MELK: variants seen among roughly 807,000 people sequenced by gnomAD.
The protein encoded by MELK is pEg3 kinase.
In MELK, 81 loss-of-function variants were observed where a neutral mutation model predicts 85.0. The observed-to-expected ratio is 0.95, with a 90% CI of 0.80 to 1.15. The LOEUF is 1.15. Among genes scored for constraint, MELK ranks in the 50% most tolerant of loss-of-function variants. The probability of loss-of-function intolerance (pLI) is 0.00; values close to 1 mark genes in which losing one functional copy is unlikely to be tolerated. For synonymous variants in MELK, 252 were observed against 265.0 expected (o/e 0.95, Z 0.48); for missense variants, 754 against 777.5 (o/e 0.97, Z 0.36).
rs7036273 is a variant in MELK at position 36,599,306 on chromosome 9, A to G, written c.475-88A>G. The G allele has an allele frequency of 8.3e-3, 5,122 of 617,172 alleles. 99 individuals carry two copies. In the African/African-American group the frequency reaches 0.14, roughly 17 times the overall value. 38.2% of individuals were successfully genotyped at this position (617,172 alleles called of 1,614,324 possible). A position where few individuals can be genotyped will look rare whatever the true frequency, so the allele number is the denominator to read the frequency against. ...ACAGAGTGAGACTCCGTCTCAAAAA[A>G]AAAAAAAAAAAAAAAAAAGAATGTT... is the stretch of plus-strand genomic sequence containing the variant. On this transcript the variant is annotated intron_variant, in intron 6 of 17. Coordinates refer to ENST00000298048, the MANE Select transcript of MELK (RefSeq NM_014791.4).
chr9:36,584,674 AT>A (rs767365364), intron 3 of MELK, among the ~76,000 whole-genome samples: 1 of 146,968 alleles, frequency 6.8e-6, no homozygotes, highest in Non-Finnish European at 1.5e-5. Context: ...AATATAAATC[AT>A]TTTGGTACTA....
At chr9:36,670,960 C>T in intron 15 of MELK, 38 bp from the exon 16 acceptor site, 1 of 1,571,236 alleles carries the variant, frequency 6.4e-7, no homozygotes, top group Non-Finnish European at 8.6e-7. Flanking sequence ...GGCCGGAGGC[C>T]CAGCTCTACT....
At chr9:36,674,049 T>G (rs1281474093) in intron 16 of MELK, among the ~76,000 whole-genome samples, 1 of 152,192 alleles carries the variant, frequency 6.6e-6, no homozygotes, top group African/African-American at 2.4e-5. Context: ...AGTTGGATAC[T>G]TTTCTTCCTA....
chr9:36,587,215 T>C (rs140106344), intron 3 of MELK, among the ~76,000 whole-genome samples: 64 of 152,138 alleles, frequency 4.2e-4, no homozygotes, highest in East Asian at 1.7e-3. Context: ...CATACCAAGA[T>C]AGTGAAAGTT....
intron 13 of MELK, among the ~76,000 whole-genome samples, chr9:36,658,708 G>GT (rs1259612626): frequency 1.9e-5 from 2 of 103,080 alleles, no homozygotes; most frequent in African/African-American, 7.6e-5. Flanking sequence ...TTGTTTGTTT[G>GT]TTTTTTGTTT....
In MELK at chr9:36,635,045, G is replaced by T. The variant is rs554072898; in HGVS notation, c.834+1845G>T. Reference sequence around the variant, plus strand: ...GCTATCAAACTTTGGTATTGTAGAAGTACATTATGCTACTTCCTATTTAGT... The same window carrying T: ...GCTATCAAACTTTGGTATTGTAGAATTACATTATGCTACTTCCTATTTAGT... On this transcript the variant is annotated intron_variant, in intron 10 of 17. Transcript: ENST00000298048. 4.6e-5 allele frequency among the ~76,000 whole-genome samples: 7 copies of T among 152,190 alleles called. No individual in the cohort carries two copies. In the South Asian group the frequency reaches 1.0e-3, roughly 23 times the overall value.
intron 7 of MELK, 118 bp from the exon 8 acceptor site, chr9:36,607,457 A>G (rs961570744): frequency 1.1e-5 from 8 of 753,908 alleles, no homozygotes; most frequent in African/African-American, 1.7e-5. Context: ...GAAATGGTTG[A>G]TATCTGAGTT....
chr9:36,612,814 T>A (rs942206957), intron 8 of MELK, among the ~76,000 whole-genome samples: 6 of 152,244 alleles, frequency 3.9e-5, no homozygotes, highest in African/African-American at 1.4e-4. Flanking sequence ...GTATTCTTTC[T>A]TTTACTTTTC....
At chr9:36,592,255 A>C (rs1196046386) in intron 4 of MELK, among the ~76,000 whole-genome samples, 1 of 148,500 alleles carries the variant, frequency 6.7e-6, no homozygotes, top group Non-Finnish European at 1.5e-5. Flanking sequence ...GCTCACTACA[A>C]CCTCCGCCTC....
Position 36,594,785 on chromosome 9 carries a change from T to G in MELK, c.405+14T>G, listed in dbSNP as rs1291749481. 2.2e-5 allele frequency: 35 copies of G among 1,610,040 alleles called. No individual in the cohort carries two copies. Among genetic ancestry groups the G allele is most frequent in the Admixed American group, 5.1e-5 (3 of 59,308 alleles). ...GACCTCAAGCCAGTAAGTGACTGCA[T>G]CACAGTTAGATGCTCACCTTCAGCG... On this transcript the variant is annotated intron_variant, in intron 5 of 17. Transcript: ENST00000298048.
At position 36,651,846 on chromosome 9, in the gene MELK, A is replaced by G. The variant is rs774729093; in HGVS notation, c.1022A>G (p.Gln341Arg). The change falls in exon 12 of 18, where the codon CAA becomes CGA. Residue 341 changes from glutamine to arginine, a missense_variant. Coordinates refer to ENST00000298048, the MANE Select transcript of MELK (RefSeq NM_014791.4). ...RLRLSSFSCG[Q>R]ASATPFTDIK... ...AGGCTTTCTTCTTTCTCCTGTGGAC[A>G]AGCCAGTGCTACCCCATTCACAGAC... is the stretch of plus-strand genomic sequence containing the variant. 6.2e-7 allele frequency: 1 copy of G among 1,613,952 alleles called. No homozygotes were observed. The highest frequency in any genetic ancestry group is 8.5e-7 in the Non-Finnish European group (1 of 1,179,942).
chr9:36,584,300 C>T (rs1413668088), intron 3 of MELK, among the ~76,000 whole-genome samples: 6 of 144,304 alleles, frequency 4.2e-5, no homozygotes, highest in Admixed American at 2.9e-4. Context: ...CCACCGCGCC[C>T]GGCCTCTTTT....
intron 6 of MELK, 75 bp from the exon 7 acceptor site, chr9:36,599,319 A>T (rs1564142591): frequency 1.0e-6 from 1 of 989,604 alleles, no homozygotes; most frequent in Non-Finnish European, 1.4e-6. Context: ...AAAAAAAAAA[A>T]AAAAAGAATG....
chr9:36,668,313 T>C (rs1420755215), intron 14 of MELK, among the ~76,000 whole-genome samples: 1 of 152,200 alleles, frequency 6.6e-6, no homozygotes, highest in African/African-American at 2.4e-5. Context: ...CCTAATCTCT[T>C]TTAAAATTTT....
At chr9:36,641,887 G>A (rs1196931415) in intron 10 of MELK, among the ~76,000 whole-genome samples, 2 of 152,096 alleles carry the variant, frequency 1.3e-5, no homozygotes, top group African/African-American at 2.4e-5. Context: ...GATTACAGGC[G>A]TGAGCCACCG....
intron 13 of MELK, among the ~76,000 whole-genome samples, chr9:36,660,837 C>A (rs1831736018): frequency 6.6e-6 from 1 of 151,774 alleles, no homozygotes; most frequent in South Asian, 2.1e-4. Flanking sequence ...ACTAAAAATA[C>A]AAAATTAGCT....
At chr9:36,603,838 A>C (rs553379001) in intron 7 of MELK, among the ~76,000 whole-genome samples, 1 of 152,270 alleles carries the variant, frequency 6.6e-6, no homozygotes, top group South Asian at 2.1e-4. Context: ...CAGTTAACTG[A>C]AAAATGCTTT....
At chr9:36,646,739 A>G (rs1335245536) in intron 11 of MELK, among the ~76,000 whole-genome samples, 2 of 152,206 alleles carry the variant, frequency 1.3e-5, no homozygotes, top group East Asian at 3.8e-4. Context: ...CCATGTGTGT[A>G]AAGACTGAAG....
intron 13 of MELK, among the ~76,000 whole-genome samples, chr9:36,663,608 C>G (rs766985685): frequency 6.6e-6 from 1 of 152,188 alleles, no homozygotes; most frequent in Non-Finnish European, 1.5e-5. Flanking sequence ...TTAGCACCCA[C>G]TTATGAGTGA....
Sources: allele counts gnomAD v4.1 joint callset (sites outside exome capture counted in the v4.1 genomes callset), GRCh38; gene constraint gnomAD v4.1.1; transcripts MANE v1.5; gene names NCBI Gene and HGNC (gene_info 2026-07-23, HGNC 2026-07-21).